WDR83: variants seen among roughly 807,000 people sequenced by gnomAD.
The protein encoded by WDR83 is WD repeat domain 83, also known as WD repeat domain-containing protein 83.
A neutral mutation model predicts 37.7 loss-of-function variants in WDR83; 37 were observed. The observed-to-expected ratio is 0.98, with a 90% CI of 0.76 to 1.29. The LOEUF is 1.29. WDR83 is among the 50% of genes most tolerant of loss of function. WDR83 has a pLI of 0.00. For missense variants in WDR83, 445 were observed against 414.4 expected, an observed-to-expected ratio of 1.07 and a Z score of -0.64; for synonymous variants, 174 against 181.1, an observed-to-expected ratio of 0.96 and a Z score of 0.31.
chr19:12,669,543 C>T, intron 2 of WDR83: 3 of 1,098,556 alleles, frequency 2.7e-6, no homozygotes, highest in Non-Finnish European at 3.9e-6. Context: ...CTCCCCTTAC[C>T]CAGAGAACGG....
At chr19:12,668,098 A>C in intron 1 of WDR83, 1 of 446,432 alleles carries the variant, frequency 2.2e-6, no homozygotes, top group Non-Finnish European at 4.1e-6. Context: ...TATTAACAAC[A>C]GGTTTCAACG....
intron 10 of WDR83, among the ~76,000 whole-genome samples, chr19:12,674,756 A>G (rs1309027333): frequency 6.6e-6 from 1 of 152,148 alleles, no homozygotes; most frequent in Non-Finnish European, 1.5e-5. Flanking sequence ...GAAAATCAGC[A>G]GTCTCTGGAC....
intron 10 of WDR83, among the ~76,000 whole-genome samples, chr19:12,673,977 G>A (rs1222121543): frequency 6.6e-6 from 1 of 152,254 alleles, no homozygotes; most frequent in Non-Finnish European, 1.5e-5. Context: ...TGGGATTACA[G>A]GCCTGAGACA....
intron 7 of WDR83, chr19:12,672,324 T>G (rs115095484): frequency 6.8e-5 from 12 of 175,486 alleles, no homozygotes; most frequent in Non-Finnish European, 1.3e-4. Flanking sequence ...AAAGGGGGAA[T>G]TGGGCCAGGT....
At chr19:12,668,738 C>T in intron 2 of WDR83, 111 bp downstream of exon 2, 1 of 840,410 alleles carries the variant, frequency 1.2e-6, no homozygotes, top group Non-Finnish European at 1.9e-6. Flanking sequence ...GGACCTTGCC[C>T]CACCCGGAAT....
chr19:12,675,076 T>G (rs147332364), intron 10 of WDR83, among the ~76,000 whole-genome samples: 1 of 148,914 alleles, frequency 6.7e-6, no homozygotes, highest in Admixed American at 6.8e-5. Context: ...ATGGCGCCAC[T>G]GCACTCCAGC....
At chr19:12,669,250 G>A in intron 2 of WDR83, 1 of 1,613,414 alleles carries the variant, frequency 6.2e-7, no homozygotes, top group East Asian at 2.2e-5. Flanking sequence ...CAGGCTCGAG[G>A]GTCAGGGGCG....
chr19:12,670,676 C>A lies in WDR83; in HGVS notation c.380-19C>A. 1 of 1,614,218 alleles carries A rather than the reference C, an allele frequency of 6.2e-7. No individual in the cohort carries two copies. Among genetic ancestry groups the A allele is most frequent in the South Asian group, 1.1e-5 (1 of 91,084 alleles). The stretch of plus-strand genomic sequence containing the variant: ...CCTCCCCCTCCAAACCTGACCTCAC[C>A]ATCATGCTGGCCTCACAGGCTCTAT... On this transcript the variant is annotated intron_variant, in intron 6 of 10. Coordinates refer to ENST00000418543, the MANE Select transcript of WDR83 (RefSeq NM_001099737.3).
intron 1 of WDR83, 114 bp from the exon 2 acceptor site, chr19:12,668,394 G>A (rs2024314428): frequency 1.2e-6 from 2 of 1,613,702 alleles, no homozygotes; most frequent in Non-Finnish European, 1.7e-6. Flanking sequence ...GGATTCTGCA[G>A]ATAGGACATC....
Position 12,669,850 on chromosome 19 carries a change from G to A in WDR83, c.60G>A (p.Thr20=). The part of the protein sequence containing the change: ...PPELPQKRLK[T]LDCGQGAVRA... ...AGCTGCCGCAGAAACGGTTGAAGAC[G>A]CTGGACTGCGGGCAGGGGGCAGTGC... The change falls in exon 3 of 11, where the codon ACG becomes ACA. Residue 20 remains threonine, a synonymous_variant. Transcript: ENST00000418543. The A allele has an allele frequency of 1.2e-6, 2 of 1,612,178 alleles. No homozygotes were observed. Among genetic ancestry groups the A allele is most frequent in the Non-Finnish European group, 1.7e-6 (2 of 1,178,986 alleles).
chr19:12,674,330 G>A (rs1466894549), intron 10 of WDR83, among the ~76,000 whole-genome samples: 2 of 152,192 alleles, frequency 1.3e-5, no homozygotes, highest in East Asian at 1.9e-4. Context: ...TGGGGAGTCA[G>A]GCCAGAAACA....
At chr19:12,670,878 C>T in intron 7 of WDR83, 57 bp downstream of exon 7, 1 of 1,572,886 alleles carries the variant, frequency 6.4e-7, no homozygotes, top group Non-Finnish European at 8.6e-7. Flanking sequence ...CATAGCTGCC[C>T]CCATGCTCAG....
intron 10 of WDR83, 23 bp from the exon 11 acceptor site, chr19:12,675,500 A>C (rs745335607): frequency 3.8e-6 from 6 of 1,598,354 alleles, no homozygotes; most frequent in Non-Finnish European, 5.1e-6. Context: ...ACAGATAACC[A>C]CTCCCTACCC....
At position 12,670,285 on chromosome 19, in the gene WDR83, G is replaced by T. The variant is rs750710638; in HGVS notation, c.330G>T (p.Gly110=). The change falls in exon 5 of 11, where the codon GGG becomes GGT. Residue 110 remains glycine, a splice_region_variant and synonymous_variant. Coordinates refer to ENST00000418543, the MANE Select transcript of WDR83 (RefSeq NM_001099737.3). ...TGCGCAAATTCCGGGGCCACGCAGGGGTGAGTGAAAGCCTGGAGACCCTCA... is the reference window on the plus strand; with the variant it reads ...TGCGCAAATTCCGGGGCCACGCAGGTGTGAGTGAAAGCCTGGAGACCCTCA... ...QVVRKFRGHA[G]KVNTVQFNEE... is the part of the protein sequence containing the mutation. 1.9e-6 allele frequency: 3 copies of T among 1,613,664 alleles called. No homozygotes were observed. The South Asian group carries it at 3.3e-5, about 18-fold the overall frequency.
At chr19:12,668,774 T>A in intron 2 of WDR83, 147 bp downstream of exon 2, 1 of 676,456 alleles carries the variant, frequency 1.5e-6, no homozygotes. Context: ...GCTCATGGCA[T>A]ACTCTAGATA....
chr19:12,666,987 A>C lies in WDR83; in HGVS notation c.-162A>C. 5 of 524,112 alleles carry C rather than the reference A, an allele frequency of 9.5e-6. No individual in the cohort carries two copies. The highest frequency in any genetic ancestry group is 1.4e-5 in the Non-Finnish European group (4 of 294,224). 32.5% of individuals were successfully genotyped at this position (524,112 alleles called of 1,614,324 possible). On this transcript the variant is annotated 5_prime_UTR_variant, in exon 1 of 11. It removes an upstream start codon present in the reference 5' UTR. Coordinates refer to ENST00000418543, the MANE Select transcript of WDR83 (RefSeq NM_001099737.3). ...GAATTCCAAGACGGAATGCCTCTTA[A>C]TGCCGGTAGGAGCAGAAGTGCTTTT...
intron 2 of WDR83, 40 bp from the exon 3 acceptor site, chr19:12,669,715 C>A: frequency 7.0e-7 from 1 of 1,424,154 alleles, no homozygotes; most frequent in Non-Finnish European, 9.6e-7. Flanking sequence ...TAAGGTTACA[C>A]CCAAGCGTGG....
At chr19:12,672,964 CA>C in intron 8 of WDR83, 43 bp from the exon 9 acceptor site, 5 of 1,597,198 alleles carry the variant, frequency 3.1e-6, no homozygotes, top group Non-Finnish European at 4.3e-6. Flanking sequence ...GGGGGCCAAC[CA>C]GGGGCACCCC....
intron 5 of WDR83, 84 bp downstream of exon 5, chr19:12,670,369 C>G: frequency 6.6e-7 from 1 of 1,525,880 alleles, no homozygotes; most frequent in Non-Finnish European, 9.0e-7. Context: ...CCCCATTACA[C>G]CGTAAGGATC....
Sources: allele counts gnomAD v4.1 joint callset (sites outside exome capture counted in the v4.1 genomes callset), GRCh38; gene constraint gnomAD v4.1.1; transcripts MANE v1.5; gene names NCBI Gene and HGNC (gene_info 2026-07-23, HGNC 2026-07-21).